Variants in SP6 observed in about 807,000 individuals in gnomAD.
The protein encoded by SP6 is Sp6 transcription factor.
In SP6, 10 loss-of-function variants were observed where a neutral mutation model predicts 23.4. The ratio of observed to expected loss-of-function variants is 0.43; its 90% confidence interval spans 0.26 to 0.72. The LOEUF (loss-of-function observed/expected upper bound fraction) is 0.72. Ranked by LOEUF, SP6 falls within the 30% of genes least tolerant of loss-of-function variation. SP6 has a pLI of 0.23. For missense variants in SP6, 482 were observed against 523.8 expected (o/e 0.92, Z 0.78); for synonymous variants, 238 against 238.7 (o/e 1.00, Z 0.03).
rs1276945393 is a variant in SP6 at position 47,847,001 on chromosome 17, C to G, written c.*298G>C. 3 of 406,894 alleles carry G rather than the reference C, an allele frequency of 7.4e-6. No individual in the cohort carries two copies. Among genetic ancestry groups the G allele is most frequent in the African/African-American group, 6.2e-5 (3 of 48,596 alleles). The allele number at this position is 406,894 out of a possible 1,614,324, so 25.2% of individuals were successfully genotyped here. A position where few individuals can be genotyped will look rare whatever the true frequency, so the allele number is the denominator to read the frequency against. Reference sequence around the variant, plus strand: ...CCTCTAGCCTGTCCCCGCCAGCCAGCCGCGGTACGGGTGTCCCACCCCAAC... The same window carrying G: ...CCTCTAGCCTGTCCCCGCCAGCCAGGCGCGGTACGGGTGTCCCACCCCAAC... On this transcript the variant is annotated 3_prime_UTR_variant, in exon 2 of 2. Transcript: ENST00000536300.
chr17:47,871,613 G>GTTTC, the SP6 span, among the ~76,000 whole-genome samples: 1 of 149,250 alleles, frequency 6.7e-6, no homozygotes, highest in Non-Finnish European at 1.5e-5. Flanking sequence ...CTCTGTTTCT[G>GTTTC]TTTCTTTCTT....
rs2033891904 is a variant in SP6 at position 47,846,946 on chromosome 17, C to T, written c.*353G>A. 8.5e-6 allele frequency: 2 copies of T among 236,402 alleles called. No homozygotes were observed. Among genetic ancestry groups the T allele is most frequent in the African/African-American group, 4.5e-5 (2 of 44,342 alleles). 14.6% of individuals were successfully genotyped at this position (236,402 alleles called of 1,614,324 possible). A position where few individuals can be genotyped will look rare whatever the true frequency, so the allele number is the denominator to read the frequency against. ...AGCGCCCCGGGCCGGCCCCACTTCT[C>T]TCTGCTCCGGGGACTGGGACTTGCT... On this transcript the variant is annotated 3_prime_UTR_variant, in exon 2 of 2. Coordinates refer to ENST00000536300, the MANE Select transcript of SP6 (RefSeq NM_001258248.2).
At position 47,846,568 on chromosome 17, in the gene SP6, G is replaced by T. The variant is rs371339100; in HGVS notation, c.*731C>A. ...ATTTTAGAAGAGGACTTCCCTACTC[G>T]CCCCCTCCATCTATCTCGGTCCTTT... On this transcript the variant is annotated 3_prime_UTR_variant, in exon 2 of 2. Transcript: ENST00000536300. The T allele has an allele frequency of 6.6e-6, 1 of 152,106 alleles. No homozygotes were observed. The highest frequency in any genetic ancestry group is 2.1e-4 in the South Asian group (1 of 4,822). 9.4% of individuals were successfully genotyped at this position (152,106 alleles called of 1,614,324 possible).
the SP6 span, among the ~76,000 whole-genome samples, chr17:47,870,154 C>T: frequency 5.9e-5 from 9 of 152,188 alleles, no homozygotes; most frequent in African/African-American, 2.2e-4. Context: ...AATCCTCAGA[C>T]ACACTAACCT....
At chr17:47,865,293 G>A in the SP6 span, 5 of 152,250 alleles carry the variant, frequency 3.3e-5, no homozygotes, top group Non-Finnish European at 5.9e-5. Context: ...ATTTCCGGGA[G>A]CCATCCTGAG....
At chr17:47,856,052 C>A (rs562475068), upstream of SP6, among the ~76,000 whole-genome samples, 1 of 152,262 alleles carries the variant, frequency 6.6e-6, no homozygotes, top group South Asian at 2.1e-4. Context: ...CAAATTCCAT[C>A]CCCTCTTCCT....
At chr17:47,869,388 C>T in the SP6 span, among the ~76,000 whole-genome samples, 1 of 152,184 alleles carries the variant, frequency 6.6e-6, no homozygotes, top group African/African-American at 2.4e-5. Flanking sequence ...CAGGATCTCC[C>T]AGTCCTCATC....
Position 47,847,587 on chromosome 17 carries a change from G to A in SP6, c.843C>T (p.Asp281=). 6.2e-7 allele frequency: 1 copy of A among 1,613,660 alleles called. No homozygotes were observed. The highest frequency in any genetic ancestry group is 2.2e-5 in the East Asian group (1 of 44,886). ...LKAHLRWHSG[D]RPFVCNWLFC... is the part of the protein sequence containing the mutation. ...AGAGCCAGTTGCACACGAAGGGACGGTCGCCGCTGTGCCAGCGCAGGTGCG... is the reference window on the plus strand; with the variant it reads ...AGAGCCAGTTGCACACGAAGGGACGATCGCCGCTGTGCCAGCGCAGGTGCG... Residue 281 remains aspartate, a synonymous_variant, in exon 2 of 2, where the codon GAC becomes GAT. Coordinates refer to ENST00000536300, the MANE Select transcript of SP6 (RefSeq NM_001258248.2).
chr17:47,875,250 G>A, the SP6 span, among the ~76,000 whole-genome samples: 2 of 152,164 alleles, frequency 1.3e-5, no homozygotes, highest in Admixed American at 6.5e-5. Flanking sequence ...CCCCGGGGGG[G>A]CCTGAGAACC....
chr17:47,850,082 C>A (rs1419742695), intron 1 of SP6, among the ~76,000 whole-genome samples: 2 of 152,156 alleles, frequency 1.3e-5, no homozygotes, highest in Non-Finnish European at 2.9e-5. Flanking sequence ...GAGCCCCAGG[C>A]CGGGGTGGGG....
chr17:47,857,518 A>G (rs908935511), upstream of SP6, among the ~76,000 whole-genome samples: 2 of 152,028 alleles, frequency 1.3e-5, no homozygotes, highest in Non-Finnish European at 2.9e-5. Flanking sequence ...AGTTTGGGAG[A>G]GGAAAAAGAC....
At chr17:47,861,056 G>A in the SP6 span, among the ~76,000 whole-genome samples, 3 of 152,262 alleles carry the variant, frequency 2.0e-5, no homozygotes, top group East Asian at 1.9e-4. Context: ...TAGGGGGAAG[G>A]AGGGCAGTGC....
chr17:47,874,902 T>C, the SP6 span, among the ~76,000 whole-genome samples: 1 of 152,106 alleles, frequency 6.6e-6, no homozygotes, highest in South Asian at 2.1e-4. Flanking sequence ...AGTTGAGGAC[T>C]CTGCCCCCTC....
At chr17:47,851,443 C>CT (rs1169803203), upstream of SP6, among the ~76,000 whole-genome samples, 1 of 152,108 alleles carries the variant, frequency 6.6e-6, no homozygotes, top group Non-Finnish European at 1.5e-5. Context: ...TGCCCTGGAG[C>CT]TAGCTCGGTC....
At chr17:47,870,442 C>G in the SP6 span, among the ~76,000 whole-genome samples, 1 of 152,096 alleles carries the variant, frequency 6.6e-6, no homozygotes, top group Non-Finnish European at 1.5e-5. Context: ...TTCTTTCTCT[C>G]CACCCAGGAA....
upstream of SP6, among the ~76,000 whole-genome samples, chr17:47,852,849 G>T (rs1463371952): frequency 1.3e-5 from 2 of 152,180 alleles, no homozygotes; most frequent in East Asian, 1.9e-4. Flanking sequence ...TCTCCTGGGG[G>T]CTTAAAGGAA....
intron 1 of SP6, among the ~76,000 whole-genome samples, chr17:47,850,052 A>G (rs1187939826): frequency 6.6e-5 from 10 of 152,180 alleles, no homozygotes. Context: ...AGAGGAAAAC[A>G]GGGTGAAGTT....
rs1452328540 is a variant in SP6 at position 47,844,965 on chromosome 17, T to TTA, written c.*2333_*2334insTA. 6.6e-6 allele frequency: 1 copy of TTA among 152,588 alleles called. No individual in the cohort carries two copies. The highest frequency in any genetic ancestry group is 1.9e-4 in the East Asian group (1 of 5,194). 9.5% of individuals were successfully genotyped at this position (152,588 alleles called of 1,614,324 possible). A position where few individuals can be genotyped will look rare whatever the true frequency, so the allele number is the denominator to read the frequency against. On this transcript the variant is annotated 3_prime_UTR_variant, in exon 2 of 2. Coordinates refer to ENST00000536300, the MANE Select transcript of SP6 (RefSeq NM_001258248.2). ...AACACAGGCTGTTTCTCCCTCCTCC[T>TTA]ACCCCCTCAAAGTGAGTTCACAGCA...
At chr17:47,852,019 C>T (rs1255842540), upstream of SP6, among the ~76,000 whole-genome samples, 1 of 151,988 alleles carries the variant, frequency 6.6e-6, no homozygotes, top group African/African-American at 2.4e-5. Context: ...AAATGCTCAG[C>T]CTACGCACAC....
Sources: allele counts gnomAD v4.1 joint callset (sites outside exome capture counted in the v4.1 genomes callset), GRCh38; gene constraint gnomAD v4.1.1; transcripts MANE v1.5; gene names NCBI Gene and HGNC (gene_info 2026-07-23, HGNC 2026-07-21).